The following IQSEC3 variants were observed in gnomAD, a reference collection of about 807,000 sequenced individuals.
IQSEC3 encodes IQ motif and SEC7 domain-containing protein 3.
Under a neutral mutation model 105.4 loss-of-function variants are expected in IQSEC3, and 50 were observed. The ratio of observed to expected loss-of-function variants is 0.47; its 90% CI spans 0.38 to 0.60. The LOEUF (loss-of-function observed/expected upper bound fraction) is 0.60. IQSEC3 is among the 20% of genes least tolerant of loss of function. IQSEC3 has a pLI of 0.00. For synonymous variants in IQSEC3, 708 were observed against 746.0 expected (o/e 0.95, Z 0.83); for missense variants, 1,415 against 1,630.0 (o/e 0.87, Z 2.27).
Position 157,008 on chromosome 12 carries a change from T to C in IQSEC3, c.2154-17T>C. 1 of 1,577,904 alleles carries C rather than the reference T, an allele frequency of 6.3e-7. No individual in the cohort carries two copies. The highest frequency in any genetic ancestry group is 1.7e-4 in the Middle Eastern group (1 of 5,940). On this transcript the variant is annotated splice_polypyrimidine_tract_variant and intron_variant, in intron 5 of 13. Coordinates refer to ENST00000538872, the MANE Select transcript of IQSEC3 (RefSeq NM_001170738.2). ...TAGGGTGCCACCTGACCTCACACCC[T>C]CCCTGCCTGCCCTCAGCTGCGTGGT...
intron 5 of IQSEC3, among the ~76,000 whole-genome samples, chr12:147,130 C>A (rs1422544304): frequency 2.0e-5 from 3 of 152,218 alleles, no homozygotes; most frequent in Non-Finnish European, 4.4e-5. Flanking sequence ...CAGGCCTTTG[C>A]TCTGGAGGAG....
At chr12:76,267 C>T (rs1863523136) in intron 1 of IQSEC3, among the ~76,000 whole-genome samples, 1 of 152,250 alleles carries the variant, frequency 6.6e-6, no homozygotes, top group Non-Finnish European at 1.5e-5. Context: ...ACCAGCAGCA[C>T]CCAGATTCCA....
intron 7 of IQSEC3, among the ~76,000 whole-genome samples, chr12:158,383 CTA>C (rs2137042414): frequency 6.6e-6 from 1 of 152,212 alleles, no homozygotes; most frequent in South Asian, 2.1e-4. Context: ...TCGCTTTTTT[CTA>C]TCTCTTTTTT....
intron 2 of IQSEC3, among the ~76,000 whole-genome samples, chr12:107,966 G>A (rs993965243): frequency 6.6e-6 from 1 of 152,178 alleles, no homozygotes; most frequent in East Asian, 1.9e-4. Flanking sequence ...ATCTTGCCCA[G>A]CTCTTCCTCC....
rs1555087382 is a variant in IQSEC3, at chr12:138,571, C to T, written c.1208C>T (p.Thr403Ile). Residue 403 changes from threonine (T) to isoleucine (I), a missense_variant, in exon 4 of 14, where the codon ACC becomes ATC. This residue lies in a region of IQSEC3 where 720 missense variants were observed against 633.0 expected (regional missense o/e 1.14). Coordinates refer to ENST00000538872, the MANE Select transcript of IQSEC3 (RefSeq NM_001170738.2). The surrounding 1 kb of genome is among the most constrained non-coding windows in gnomAD (Gnocchi z 7.1). ...GTLTELEDSF[T>I]EQVQSLAKSI... ...CTCACCGAGCTGGAGGACTCCTTCA[C>T]CGAGCAGGTGCAATCCCTGGCCAAG... 1.3e-6 allele frequency: 2 copies of T among 1,586,704 alleles called. No individual in the cohort carries two copies. Among genetic ancestry groups the T allele is most frequent in the Admixed American group, 1.7e-5 (1 of 58,608 alleles).
At chr12:128,006 G>A (rs554194038) in intron 3 of IQSEC3, among the ~76,000 whole-genome samples, 1 of 152,158 alleles carries the variant, frequency 6.6e-6, no homozygotes, top group African/African-American at 2.4e-5. Flanking sequence ...GACTTCTCTG[G>A]CCTCAGCTGC....
intron 2 of IQSEC3, among the ~76,000 whole-genome samples, chr12:100,493 G>C (rs1864388738): frequency 1.3e-5 from 2 of 152,222 alleles, no homozygotes; most frequent in South Asian, 4.1e-4. Context: ...GAAAGGCATT[G>C]CTGTTCATTT....
intron 3 of IQSEC3, 64 bp downstream of exon 3, chr12:125,976 A>AG: frequency 5.4e-6 from 8 of 1,468,138 alleles, no homozygotes; most frequent in Non-Finnish European, 7.3e-6. Context: ...GGGGCTGTCG[A>AG]GGGTACCAGG....
At chr12:130,024 G>C (rs1387746238) in intron 3 of IQSEC3, among the ~76,000 whole-genome samples, 1 of 152,232 alleles carries the variant, frequency 6.6e-6, no homozygotes, top group African/African-American at 2.4e-5. Context: ...GGCACAGAGA[G>C]CACCAGGGCA....
chr12:124,071 A>G (rs1241153251), intron 2 of IQSEC3, among the ~76,000 whole-genome samples: 1 of 152,126 alleles, frequency 6.6e-6, no homozygotes, highest in African/African-American at 2.4e-5. Context: ...GCTTCTAGGA[A>G]GGGATAGCTG....
chr12:167,966 T>C (rs965110188), intron 11 of IQSEC3, among the ~76,000 whole-genome samples: 5 of 152,116 alleles, frequency 3.3e-5, no homozygotes, highest in Non-Finnish European at 7.4e-5. Context: ...CAACTCTCAG[T>C]TGAGTAGAAA....
In IQSEC3 at chr12:153,528, C is replaced by T. The variant is rs375931510; in HGVS notation, c.2154-3497C>T. ...GTGTCCCACCACTCAGCACAGCTTC[C>T]TCCCTTCCAGCTAGGGATTTCACAG... On this transcript the variant is annotated intron_variant, in intron 5 of 13. Transcript: ENST00000538872. 1.4e-4 allele frequency among the ~76,000 whole-genome samples: 21 copies of T among 152,208 alleles called. No individual in the cohort carries two copies. The East Asian group carries it at 1.7e-3, about 13-fold the overall frequency.
chr12:128,586 C>T (rs1272306876), intron 3 of IQSEC3, among the ~76,000 whole-genome samples: 1 of 152,090 alleles, frequency 6.6e-6, no homozygotes, highest in Non-Finnish European at 1.5e-5. Context: ...AGTCCAGATC[C>T]CCAGGACGGT....
chr12:165,674 G>A (rs1292942972), intron 10 of IQSEC3, 55 bp from the exon 11 acceptor site: 8 of 1,603,158 alleles, frequency 5.0e-6, no homozygotes, highest in African/African-American at 1.3e-5. Context: ...GGCTGGCTCT[G>A]GCCCTCGGCT....
chr12:109,335 A>C (rs962957557), intron 2 of IQSEC3, among the ~76,000 whole-genome samples: 7 of 151,636 alleles, frequency 4.6e-5, no homozygotes, highest in African/African-American at 1.7e-4. Context: ...CCTTCTCACC[A>C]TTTGCTGGCC....
intron 5 of IQSEC3, among the ~76,000 whole-genome samples, chr12:146,575 G>C (rs1374825279): frequency 6.6e-6 from 1 of 152,198 alleles, no homozygotes; most frequent in Non-Finnish European, 1.5e-5. Context: ...GAGCCCAGGA[G>C]ATGGAAACTG....
At position 178,064 on chromosome 12, in the gene IQSEC3, C is replaced by T. The variant is rs1266285365; in HGVS notation, c.*3031C>T. 1 of 152,368 alleles carries T rather than the reference C, an allele frequency of 6.6e-6. No individual in the cohort carries two copies. Among genetic ancestry groups the T allele is most frequent in the Non-Finnish European group, 1.5e-5 (1 of 68,232 alleles). The allele number at this position is 152,368 out of a possible 1,614,324, so 9.4% of individuals were successfully genotyped here. On this transcript the variant is annotated 3_prime_UTR_variant, in exon 14 of 14. Coordinates refer to ENST00000538872, the MANE Select transcript of IQSEC3 (RefSeq NM_001170738.2). ...TCCACCCACTTTTGGACAAGTCCCA[C>T]CCCTAGATCTGAAGCAAGCTCTACC...
chr12:99,558 A>C (rs1280721194), intron 2 of IQSEC3, among the ~76,000 whole-genome samples: 1 of 152,226 alleles, frequency 6.6e-6, no homozygotes, highest in Non-Finnish European at 1.5e-5. Flanking sequence ...TGCCTGGCAC[A>C]CAGTGGTGTG....
chr12:73,838 C>T (rs1555068250), intron 1 of IQSEC3, among the ~76,000 whole-genome samples: 1 of 152,274 alleles, frequency 6.6e-6, no homozygotes, highest in Non-Finnish European at 1.5e-5. Flanking sequence ...CCATTCCAGA[C>T]ACAGGAATGT....
Sources: allele counts gnomAD v4.1 joint callset (sites outside exome capture counted in the v4.1 genomes callset), GRCh38; gene constraint gnomAD v4.1.1; regional missense constraint gnomAD v4.1.1; non-coding constraint Gnocchi (gnomAD v3.1); transcripts MANE v1.5; gene names NCBI Gene and HGNC (gene_info 2026-07-23, HGNC 2026-07-21).